PPARG: variants seen among roughly 807,000 people sequenced by gnomAD.
PPARG encodes peroxisome proliferator activated receptor gamma, also known as peroxisome proliferator-activated receptor gamma.
In PPARG, 17 loss-of-function variants were observed where a neutral mutation model predicts 39.2. The observed-to-expected ratio is 0.43, with a 90% CI of 0.30 to 0.65. The LOEUF (loss-of-function observed/expected upper bound fraction) is 0.65, where lower values mean the gene tolerates loss of function less well. Ranked by LOEUF, PPARG falls within the 30% of genes least tolerant of loss-of-function variation. The probability of loss-of-function intolerance (pLI) is 0.13; values close to 1 mark genes in which losing one functional copy is unlikely to be tolerated. For synonymous variants in PPARG, 223 were observed against 215.7 expected (o/e 1.03, Z -0.30); for missense variants, 406 against 585.9 (o/e 0.69, Z 3.17).
chr3:12,359,674 CTTTTT>C (rs71628752), intron 2 of PPARG, among the ~76,000 whole-genome samples: 2 of 129,844 alleles, frequency 1.5e-5, no homozygotes, highest in African/African-American at 2.9e-5. Flanking sequence ...TCTTTTATTT[CTTTTT>C]TTTTTTTTTT....
chr3:12,362,797 T>G (rs1248917966), intron 2 of PPARG, among the ~76,000 whole-genome samples: 2 of 152,092 alleles, frequency 1.3e-5, no homozygotes, highest in African/African-American at 4.8e-5. Context: ...CTAGGATTTT[T>G]GTTTGTTTAT....
intron 2 of PPARG, among the ~76,000 whole-genome samples, chr3:12,323,161 G>C (rs1373667673): frequency 6.6e-6 from 1 of 152,066 alleles, no homozygotes; most frequent in Non-Finnish European, 1.5e-5. Flanking sequence ...AAATAAAGAG[G>C]ATGAAAAAAG....
upstream of PPARG, chr3:12,288,895 G>A (rs551411631): frequency 1.3e-5 from 2 of 152,366 alleles, no homozygotes; most frequent in Non-Finnish European, 2.9e-5. Flanking sequence ...GCCTAACTGA[G>A]GGGGGTAGAG....
Position 12,372,503 on chromosome 3 carries a change from T to C in PPARG, c.-8-7201T>C, listed in dbSNP as rs566846480. Reference sequence around the variant, plus strand: ...TGGTTGTGAGGATTAAATGACACAATCCGGGCACAATATTTGGCGTAGTAC... The same window carrying C: ...TGGTTGTGAGGATTAAATGACACAACCCGGGCACAATATTTGGCGTAGTAC... On this transcript the variant is annotated intron_variant, in intron 2 of 7. Transcript: ENST00000651735. Among the ~76,000 whole-genome samples the C allele has an allele frequency of 5.3e-4, 80 of 152,150 alleles. 3 individuals are homozygous for C. Among genetic ancestry groups the C allele is most frequent in the Non-Finnish European group, 7.4e-5 (5 of 68,022 alleles).
chr3:12,371,907 T>G (rs1292116807), intron 2 of PPARG: 12 of 710,284 alleles, frequency 1.7e-5, no homozygotes, highest in Non-Finnish European at 2.6e-5. Context: ...GAGGAATTAG[T>G]AAATTCCCAG....
At position 12,377,045 on chromosome 3, in the gene PPARG, AG is replaced by A. The variant is rs545766734; in HGVS notation, c.-8-2657del. On this transcript the variant is annotated intron_variant, in intron 2 of 7. Transcript: ENST00000651735. ...CCACTTTGAATAATGAACTGGTGTC[AG>A]GTAAACAGAGTCCAGGTACCTATTG... 3.9e-5 allele frequency among the ~76,000 whole-genome samples: 6 copies of A among 152,326 alleles called. No homozygotes were observed. In the South Asian group the frequency reaches 1.0e-3, roughly 26 times the overall value.
At chr3:12,376,404 A>C (rs1425140009) in intron 2 of PPARG, among the ~76,000 whole-genome samples, 1 of 152,184 alleles carries the variant, frequency 6.6e-6, no homozygotes, top group Non-Finnish European at 1.5e-5. Flanking sequence ...GCTCCAAAAA[A>C]ATGATAAATA....
chr3:12,298,511 C>T (rs2046851416), intron 1 of PPARG, among the ~76,000 whole-genome samples: 4 of 151,960 alleles, frequency 2.6e-5, no homozygotes, highest in South Asian at 2.1e-4. Flanking sequence ...GTGGTTTTGC[C>T]TTTGACAGCG....
intron 7 of PPARG, among the ~76,000 whole-genome samples, chr3:12,418,143 T>C (rs569664620): frequency 4.6e-5 from 7 of 152,020 alleles, no homozygotes; most frequent in Admixed American, 6.6e-5. Flanking sequence ...ATTTTAAAAA[T>C]TTTTTTGTAG....
intron 2 of PPARG, among the ~76,000 whole-genome samples, chr3:12,360,138 A>G (rs948204231): frequency 6.6e-6 from 1 of 152,208 alleles, no homozygotes; most frequent in African/African-American, 2.4e-5. Context: ...TTAAAAAAGA[A>G]TAATTTTAAT....
chr3:12,351,024 G>A (rs2048469854), intron 2 of PPARG, among the ~76,000 whole-genome samples: 2 of 152,128 alleles, frequency 1.3e-5, no homozygotes, highest in East Asian at 1.9e-4. Flanking sequence ...TGATACCAAC[G>A]TTTAAACTAT....
At chr3:12,329,946 A>G (rs1055816903) in intron 2 of PPARG, among the ~76,000 whole-genome samples, 1 of 152,208 alleles carries the variant, frequency 6.6e-6, no homozygotes, top group African/African-American at 2.4e-5. Context: ...AGGTGCATCC[A>G]TGTTGTAGCA....
chr3:12,316,958 T>C (rs931902820), intron 2 of PPARG, among the ~76,000 whole-genome samples: 1 of 152,112 alleles, frequency 6.6e-6, no homozygotes, highest in African/African-American at 2.4e-5. Context: ...GAGAAAAGGG[T>C]TTAGATAAAA....
intron 4 of PPARG, among the ~76,000 whole-genome samples, chr3:12,391,335 A>G (rs2050070035): frequency 6.6e-6 from 1 of 152,116 alleles, no homozygotes; most frequent in African/African-American, 2.4e-5. Context: ...AAAGGAGAAA[A>G]ACTGGAGCAG....
intron 1 of PPARG, among the ~76,000 whole-genome samples, chr3:12,304,655 A>C (rs1297980565): frequency 6.6e-6 from 1 of 152,224 alleles, no homozygotes; most frequent in South Asian, 2.1e-4. Context: ...TGTATGTAAA[A>C]ATTTCACATG....
intron 4 of PPARG, among the ~76,000 whole-genome samples, chr3:12,389,083 A>G (rs78437167): frequency 1.3e-5 from 2 of 152,296 alleles, no homozygotes; most frequent in East Asian, 1.9e-4. Context: ...TTAAAGAGGT[A>G]TGTCTTCTTC....
In PPARG at chr3:12,301,185, CAGA is replaced by C. The variant is rs2046915733; in HGVS notation, c.-82-11190_-82-11188del. 2.0e-5 allele frequency among the ~76,000 whole-genome samples: 3 copies of C among 152,318 alleles called. No homozygotes were observed. In the South Asian group the frequency reaches 6.2e-4, roughly 32 times the overall value. The stretch of plus-strand genomic sequence containing the variant: ...TGTTGGACCTCGTAGTTGTTCTGGT[CAGA>C]AGAACAGGTTTTTTAATGGCCTAAG... On this transcript the variant is annotated intron_variant, in intron 1 of 7. Transcript: ENST00000651735.
intron 2 of PPARG, among the ~76,000 whole-genome samples, chr3:12,348,540 C>T (rs1281213137): frequency 6.6e-6 from 1 of 152,204 alleles, no homozygotes; most frequent in Non-Finnish European, 1.5e-5. Flanking sequence ...TATCCCCATT[C>T]TTTCTCCTGC....
At chr3:12,433,489 C>G (rs533599624) in intron 7 of PPARG, among the ~76,000 whole-genome samples, 1 of 148,674 alleles carries the variant, frequency 6.7e-6, no homozygotes, top group African/African-American at 2.5e-5. Flanking sequence ...AGTGAGCCGA[C>G]GTCATGCCAC....
Sources: gnomAD v4.1 joint callset for allele counts (sites outside exome capture counted in the v4.1 genomes callset) on GRCh38, gnomAD v4.1.1 for gene constraint, MANE v1.5 for transcripts, NCBI Gene and HGNC (gene_info 2026-07-23, HGNC 2026-07-21) for gene names.